Variants in ERBIN observed in about 807,000 individuals in gnomAD.
ERBIN encodes the protein densin-180-like protein.
A neutral mutation model predicts 158.4 loss-of-function variants in ERBIN; 60 were observed. The observed-to-expected ratio is 0.38, with a 90% confidence interval of 0.31 to 0.47. ERBIN has a LOEUF of 0.47. ERBIN is among the 20% of genes least tolerant of loss of function. The pLI, the probability that ERBIN is intolerant of heterozygous loss-of-function variation, is 0.99. For missense variants in ERBIN, 1,610 were observed against 1,648.0 expected (o/e 0.98, Z 0.40); for synonymous variants, 594 against 557.2 (o/e 1.07, Z -0.93).
At chr5:65,992,615 C>G (rs1291604163) in intron 2 of ERBIN, 95 bp from the exon 3 acceptor site, 2 of 901,980 alleles carry the variant, frequency 2.2e-6, no homozygotes, top group East Asian at 5.3e-5. Context: ...AAGTGTTTAT[C>G]TGTGACATAT....
chr5:66,010,882 A>G (rs1442211380), intron 4 of ERBIN, among the ~76,000 whole-genome samples: 1 of 152,178 alleles, frequency 6.6e-6, no homozygotes, highest in African/African-American at 2.4e-5. Flanking sequence ...ATTATTTATT[A>G]CTTTATTTTG....
At chr5:66,065,552 A>G (rs1190161881) in intron 21 of ERBIN, among the ~76,000 whole-genome samples, 1 of 151,120 alleles carries the variant, frequency 6.6e-6, no homozygotes, top group Non-Finnish European at 1.5e-5. Context: ...AAAACTGTAC[A>G]TTCCGAGTGA....
intron 4 of ERBIN, among the ~76,000 whole-genome samples, chr5:66,004,393 C>T (rs182101163): frequency 1.0e-4 from 15 of 150,550 alleles, no homozygotes; most frequent in South Asian, 2.1e-4. Context: ...TGTGTGTGCG[C>T]GCGCGTGCGT....
intron 1 of ERBIN, among the ~76,000 whole-genome samples, chr5:65,977,184 CGGGCGGGGGGCTGA>C: frequency 6.9e-6 from 1 of 144,204 alleles, no homozygotes; most frequent in Non-Finnish European, 1.5e-5. Context: ...GGCGGCTGGC[CGGGCGGGGGGCTGA>C]CCCCCCCCCA....
intron 1 of ERBIN, among the ~76,000 whole-genome samples, chr5:65,967,089 TAGAG>T (rs1432324388): frequency 6.6e-6 from 1 of 151,548 alleles, no homozygotes; most frequent in African/African-American, 2.4e-5. Flanking sequence ...CTGGGTAACA[TAGAG>T]AGATCCCATC....
chr5:66,069,149 TC>T (rs1164775847), intron 21 of ERBIN: 1 of 790,998 alleles, frequency 1.3e-6, no homozygotes, highest in Non-Finnish European at 1.8e-6. Flanking sequence ...TCTGAGTTCT[TC>T]CATGGCTTAG....
intron 7 of ERBIN, among the ~76,000 whole-genome samples, chr5:66,019,271 CAT>C (rs1035505743): frequency 6.6e-6 from 1 of 152,090 alleles, no homozygotes; most frequent in Non-Finnish European, 1.5e-5. Flanking sequence ...ATTACAAAGT[CAT>C]GTGCATTTAG....
rs191284970 is a variant in ERBIN, at chr5:66,029,576, T to C, written c.1206+1233T>C. ...TGTTCTGTTCTGTTCTGTTCTGTCC[T>C]GTCCTGTCCTGTCCTGTCCTGTCTT... On this transcript the variant is annotated intron_variant, in intron 14 of 25. Coordinates refer to ENST00000284037, the MANE Select transcript of ERBIN (RefSeq NM_001253697.2). Among the ~76,000 whole-genome samples, 327 of 152,170 alleles carry C rather than the reference T, an allele frequency of 2.1e-3. 2 individuals are homozygous for C. The highest frequency in any genetic ancestry group is 7.7e-3 in the African/African-American group (321 of 41,546).
chr5:66,080,780 TGAA>T lies in ERBIN; in HGVS notation c.*2252_*2254del. 1 of 152,186 alleles carries T rather than the reference TGAA, an allele frequency of 6.6e-6. No homozygotes were observed. The highest frequency in any genetic ancestry group is 2.1e-4 in the South Asian group (1 of 4,830). The allele number at this position is 152,186 out of a possible 1,614,324, so 9.4% of individuals were successfully genotyped here. A position where few individuals can be genotyped will look rare whatever the true frequency, so the allele number is the denominator to read the frequency against. On this transcript the variant is annotated 3_prime_UTR_variant, in exon 26 of 26. Transcript: ENST00000284037. Reference sequence around the variant, plus strand: ...TAACTTCATTGTCTGCACATTACATTGAAGTATTATAAATGCAACAGATGTTAT... The same window carrying T: ...TAACTTCATTGTCTGCACATTACATTGTATTATAAATGCAACAGATGTTAT...
chr5:65,976,203 G>A (rs184175010), intron 1 of ERBIN, among the ~76,000 whole-genome samples: 2 of 152,332 alleles, frequency 1.3e-5, no homozygotes, highest in East Asian at 3.9e-4. Flanking sequence ...GCTGGGCACA[G>A]TGGCTTACAC....
intron 14 of ERBIN, among the ~76,000 whole-genome samples, chr5:66,038,149 A>G (rs1249452449): frequency 6.6e-6 from 1 of 152,138 alleles, no homozygotes; most frequent in Non-Finnish European, 1.5e-5. Context: ...CAGTAGCTTG[A>G]TTTACTTGCT....
intron 1 of ERBIN, among the ~76,000 whole-genome samples, chr5:65,978,172 C>T (rs997390451): frequency 6.6e-6 from 1 of 152,104 alleles, no homozygotes; most frequent in African/African-American, 2.4e-5. Context: ...GTGAAATTTA[C>T]CCACAGACTT....
intron 1 of ERBIN, among the ~76,000 whole-genome samples, chr5:65,976,797 G>GA (rs1222128201): frequency 6.6e-6 from 1 of 151,220 alleles, no homozygotes; most frequent in African/African-American, 2.4e-5. Context: ...ACCCTGAGTG[G>GA]ATACAGCACA....
intron 1 of ERBIN, among the ~76,000 whole-genome samples, chr5:65,952,593 C>T (rs980744674): frequency 1.3e-5 from 2 of 151,720 alleles, no homozygotes; most frequent in African/African-American, 4.8e-5. Context: ...ACTGTTTAAA[C>T]TTTGAGATAC....
intron 1 of ERBIN, among the ~76,000 whole-genome samples, chr5:65,948,670 T>C (rs970073401): frequency 1.3e-5 from 2 of 152,078 alleles, no homozygotes. Flanking sequence ...TAAACATCAT[T>C]ATTCTAATTT....
chr5:65,965,773 C>T (rs955859547), intron 1 of ERBIN, among the ~76,000 whole-genome samples: 4 of 152,166 alleles, frequency 2.6e-5, no homozygotes, highest in Non-Finnish European at 4.4e-5. Context: ...ATTCCTCTCC[C>T]CTTAATGTGT....
In ERBIN at chr5:66,053,495, A is replaced by T; in HGVS notation, c.2177A>T (p.Lys726Ile). Reference sequence around the variant, plus strand: ...GAAAAGTTCAAAGCTCATGATAAAAAAGATTTTAACTTACCTGAATATGAT... The same window carrying T: ...GAAAAGTTCAAAGCTCATGATAAAATAGATTTTAACTTACCTGAATATGAT... ...TEEKFKAHDK[K>I]DFNLPEYDLN... The change falls in exon 21 of 26, where the codon AAA becomes ATA. Residue 726 changes from lysine to isoleucine, a missense_variant. By Grantham distance (102) the Lys-to-Ile change is moderately radical (BLOSUM62 -3). Coordinates refer to ENST00000284037, the MANE Select transcript of ERBIN (RefSeq NM_001253697.2). 6.2e-7 allele frequency: 1 copy of T among 1,608,254 alleles called. No individual in the cohort carries two copies. The highest frequency in any genetic ancestry group is 1.3e-5 in the African/African-American group (1 of 74,484).
intron 1 of ERBIN, among the ~76,000 whole-genome samples, chr5:65,983,798 A>G (rs1580250316): frequency 6.6e-6 from 1 of 152,256 alleles, no homozygotes; most frequent in South Asian, 2.1e-4. Flanking sequence ...ACCCCCCCCA[A>G]CTGTCTGTGG....
intron 4 of ERBIN, among the ~76,000 whole-genome samples, chr5:66,009,291 T>C (rs929060993): frequency 6.6e-6 from 1 of 152,232 alleles, no homozygotes; most frequent in African/African-American, 2.4e-5. Flanking sequence ...AAAACAATTG[T>C]TCGTCGAAGA....
Sources: gnomAD v4.1 joint callset for allele counts (sites outside exome capture counted in the v4.1 genomes callset) on GRCh38, gnomAD v4.1.1 for gene constraint, MANE v1.5 for transcripts, NCBI Gene and HGNC (gene_info 2026-07-23, HGNC 2026-07-21) for gene names.